Variants in DNAH1 observed in about 807,000 individuals in gnomAD.
The protein encoded by DNAH1 is axonemal beta dynein heavy chain 1.
DNAH1 carries 327 observed loss-of-function variants against 484.3 expected under a neutral mutation model. The ratio of observed to expected loss-of-function variants is 0.68; its 90% confidence interval spans 0.62 to 0.74. The LOEUF (loss-of-function observed/expected upper bound fraction) is 0.74. DNAH1 is among the 30% of genes least tolerant of loss of function. DNAH1 has a pLI of 0.00. For missense variants in DNAH1, 5,052 were observed against 5,546.8 expected (o/e 0.91, Z 2.83); for synonymous variants, 2,192 against 2,191.9 (o/e 1.00, Z 0.00).
At chr3:52,396,570 C>G in intron 71 of DNAH1, 32 bp downstream of exon 71, 1 of 1,611,754 alleles carries the variant, frequency 6.2e-7, no homozygotes, top group South Asian at 1.1e-5. Context: ...CCTACCCTAC[C>G]TGCCCCCGTC....
upstream of DNAH1, among the ~76,000 whole-genome samples, chr3:52,314,447 A>G (rs531331481): frequency 6.6e-6 from 1 of 152,270 alleles, no homozygotes; most frequent in East Asian, 1.9e-4. Context: ...TGAGGGTGGG[A>G]TCATGTGGGG....
chr3:52,326,927 G>C (rs758559151), intron 5 of DNAH1, 36 bp downstream of exon 5: 1 of 1,599,504 alleles, frequency 6.3e-7, no homozygotes, highest in African/African-American at 1.3e-5. Flanking sequence ...GAGAGACAGG[G>C]GCAGAAGTGC....
chr3:52,351,907 A>C (rs1578123523), intron 16 of DNAH1, 55 bp from the exon 17 acceptor site: 1 of 1,566,040 alleles, frequency 6.4e-7, no homozygotes, highest in Non-Finnish European at 8.7e-7. Flanking sequence ...TGGTCTTGCC[A>C]CTCCACCACT....
Position 52,389,566 on chromosome 3 carries a change from G to C in DNAH1, c.9601G>C (p.Val3201Leu), listed in dbSNP as rs776981791. ...PTLIGTLGNP[V>L]KIRSWQIAGL... ...GCTAATCGGGACGCTGGGGAACCCTGTGAAGATCCGATCGTGGCAGGTGCC... is the reference window on the plus strand; with the variant it reads ...GCTAATCGGGACGCTGGGGAACCCTCTGAAGATCCGATCGTGGCAGGTGCC... The change falls in exon 60 of 78, where the codon GTG (valine) becomes CTG (leucine). Residue 3201 changes from valine to leucine, a missense_variant. By Grantham distance (32) the Val-to-Leu change is conservative (BLOSUM62 1). Around this residue, in one of 4 missense-constraint regions of DNAH1, gnomAD observed 2,929 missense variants for 3,409.4 expected, o/e 0.86. Coordinates refer to ENST00000420323, the MANE Select transcript of DNAH1 (RefSeq NM_015512.5). The C allele has an allele frequency of 4.6e-6, 7 of 1,521,034 alleles. No individual in the cohort carries two copies. The African/African-American group carries it at 9.9e-5, about 22-fold the overall frequency. The allele number at this position is 1,521,034 out of a possible 1,614,324, so 94.2% of individuals were successfully genotyped here.
chr3:52,398,711 C>A, intron 75 of DNAH1, 139 bp from the exon 76 acceptor site: 1 of 696,418 alleles, frequency 1.4e-6, no homozygotes, highest in Non-Finnish European at 2.2e-6. Context: ...GATTTGTACC[C>A]AGGCCACCTG....
In DNAH1 at chr3:52,395,429, C is replaced by T. The variant is rs1319315153; in HGVS notation, c.11090C>T (p.Ser3697Phe). Residue 3697 changes from serine to phenylalanine, a missense_variant, in exon 69 of 78, where the codon TCC (serine) becomes TTC (phenylalanine). Ser to Phe is a radical substitution (Grantham distance 155). This residue lies in a region of DNAH1 where 853 missense variants were observed against 899.0 expected (regional missense o/e 0.95). Coordinates refer to ENST00000420323, the MANE Select transcript of DNAH1 (RefSeq NM_015512.5). This position sits in a 1 kb window ranked among gnomAD's most constrained non-coding sequence, Gnocchi z 4.4. ...AAGTTTGCCGAAGAAATGAAGTTCT[C>T]CAAAAAGCTCTCTGCCATCTCCCTG... ...LYKFAEEMKFSKKLSAISLGQ... is the reference protein window; with the variant it reads ...LYKFAEEMKFFKKLSAISLGQ... The T allele has an allele frequency of 6.2e-7, 1 of 1,613,840 alleles. No individual in the cohort carries two copies. The highest frequency in any genetic ancestry group is 1.3e-5 in the African/African-American group (1 of 74,942).
intron 41 of DNAH1, among the ~76,000 whole-genome samples, chr3:52,371,396 A>G (rs1056811962): frequency 6.6e-6 from 1 of 152,226 alleles, no homozygotes; most frequent in African/African-American, 2.4e-5. Flanking sequence ...GACTGTGCCC[A>G]GTGGGATGCA....
chr3:52,400,137 C>T (rs1704844172), intron 77 of DNAH1, among the ~76,000 whole-genome samples, 188 bp from the exon 78 acceptor site: 1 of 152,228 alleles, frequency 6.6e-6, no homozygotes, highest in African/African-American at 2.4e-5. Context: ...TCCCTATCTT[C>T]AGTCCCCAAT....
chr3:52,388,805 G>A lies in DNAH1; in HGVS notation c.9364-1G>A. The A allele has an allele frequency of 3.7e-6, 6 of 1,613,340 alleles. No homozygotes were observed. The highest frequency in any genetic ancestry group is 5.1e-6 in the Non-Finnish European group (6 of 1,179,834). On this transcript the variant is annotated splice_acceptor_variant, in intron 58 of 77. Transcript: ENST00000420323. LOFTEE classifies it high-confidence loss of function. ...CCCACCCCACGGGGCTGCCCCTCCAGCTCATCAACGGGCTGTCGGATGAGA... is the reference window on the plus strand; with the variant it reads ...CCCACCCCACGGGGCTGCCCCTCCAACTCATCAACGGGCTGTCGGATGAGA...
intron 16 of DNAH1, 23 bp downstream of exon 16, chr3:52,350,613 T>G: frequency 6.2e-7 from 1 of 1,609,608 alleles, no homozygotes; most frequent in Non-Finnish European, 8.5e-7. Flanking sequence ...TTGGCCCCCA[T>G]GCCAGGTGCG....
chr3:52,374,611 A>C, intron 44 of DNAH1: 1 of 1,496,090 alleles, frequency 6.7e-7, no homozygotes, highest in Non-Finnish European at 9.3e-7. Flanking sequence ...TATTACTGGA[A>C]TAATGAATAC....
At chr3:52,350,146 C>G in intron 15 of DNAH1, 38 bp downstream of exon 15, 1 of 1,599,176 alleles carries the variant, frequency 6.3e-7, no homozygotes, top group South Asian at 1.1e-5. Context: ...CAGGGAGGCA[C>G]AGGGCTGGTG....
intron 8 of DNAH1, among the ~76,000 whole-genome samples, chr3:52,337,525 A>G (rs942852951): frequency 4.6e-5 from 7 of 152,308 alleles, no homozygotes; most frequent in African/African-American, 1.7e-4. Context: ...TTTTCTTGTA[A>G]TAAGCCCATT....
chr3:52,396,317 G>A, intron 70 of DNAH1, 51 bp from the exon 71 acceptor site: 1 of 1,525,844 alleles, frequency 6.6e-7, no homozygotes, highest in Admixed American at 2.0e-5. Flanking sequence ...CTGGTGTCAG[G>A]GTGGCCACCA....
In DNAH1 at chr3:52,355,166, C is replaced by T; in HGVS notation, c.3693+111C>T. ...GGTTCAAAGCATCGCAGTGCCTTGC[C>T]CTCATTCACACAGCCCCTGGCTCTC... On this transcript the variant is annotated intron_variant, in intron 21 of 77. Transcript: ENST00000420323. The surrounding 1 kb of genome is among the most constrained non-coding windows in gnomAD (Gnocchi z 4.5). 2 of 1,093,768 alleles carry T rather than the reference C, an allele frequency of 1.8e-6. 1 individual carries two copies. The highest frequency in any genetic ancestry group is 2.8e-5 in the South Asian group (2 of 71,158). 67.8% of individuals were successfully genotyped at this position (1,093,768 alleles called of 1,614,324 possible).
Position 52,399,799 on chromosome 3 carries a change from A to G in DNAH1, c.12676+20A>G. 1 of 1,609,988 alleles carries G rather than the reference A, an allele frequency of 6.2e-7. No individual in the cohort carries two copies. Among genetic ancestry groups the G allele is most frequent in the Admixed American group, 1.7e-5 (1 of 59,854 alleles). ...GTGCTGGTATGAGGCCTGGGATGGG[A>G]GCCTACACTATGGGCGGGGACCCAG... On this transcript the variant is annotated intron_variant, in intron 77 of 77. Coordinates refer to ENST00000420323, the MANE Select transcript of DNAH1 (RefSeq NM_015512.5).
chr3:52,366,581 G>A (rs373442924), intron 35 of DNAH1, 33 bp downstream of exon 35: 30 of 1,570,546 alleles, frequency 1.9e-5, no homozygotes, highest in African/African-American at 9.5e-5. Flanking sequence ...GCCAGTGTCC[G>A]GATAGTGGGC....
chr3:52,325,629 C>T (rs1701308664), intron 3 of DNAH1, among the ~76,000 whole-genome samples: 1 of 152,206 alleles, frequency 6.6e-6, no homozygotes, highest in Non-Finnish European at 1.5e-5. Flanking sequence ...TAAGTAGCGG[C>T]AGTCATTTTT....
At position 52,388,811 on chromosome 3, in the gene DNAH1, C is replaced by T; in HGVS notation, c.9369C>T (p.Ile3123=). The change falls in exon 59 of 78, where the codon ATC becomes ATT. Residue 3123 remains isoleucine, a synonymous_variant. Transcript: ENST00000420323. ...CCACGGGGCTGCCCCTCCAGCTCAT[C>T]AACGGGCTGTCGGATGAGAAGGTGC... ...EQRLGRAGKL[I]NGLSDEKVRW... is the part of the protein sequence containing the mutation. 1 of 1,613,452 alleles carries T rather than the reference C, an allele frequency of 6.2e-7. No homozygotes were observed. Among genetic ancestry groups the T allele is most frequent in the Admixed American group, 1.7e-5 (1 of 60,022 alleles).
Sources: allele counts gnomAD v4.1 joint callset (sites outside exome capture counted in the v4.1 genomes callset), GRCh38; gene constraint gnomAD v4.1.1; regional missense constraint gnomAD v4.1.1; non-coding constraint Gnocchi (gnomAD v3.1); transcripts MANE v1.5; gene names NCBI Gene and HGNC (gene_info 2026-07-23, HGNC 2026-07-21).